The following MYT1L variants were observed in gnomAD, a reference collection of about 807,000 sequenced individuals.
MYT1L encodes myelin transcription factor 1-like protein.
A neutral mutation model predicts 126.7 loss-of-function variants in MYT1L; 12 were observed. That is an observed-to-expected ratio of 0.09 (90% CI 0.06 to 0.15). The LOEUF (loss-of-function observed/expected upper bound fraction) is 0.15, where lower values mean the gene tolerates loss of function less well. MYT1L is among the 10% of genes least tolerant of loss of function. The pLI, the probability that MYT1L is intolerant of heterozygous loss-of-function variation, is 1.00. For synonymous variants in MYT1L, 541 were observed against 604.2 expected (o/e 0.90, Z 1.53); for missense variants, 979 against 1,585.2 (o/e 0.62, Z 6.49).
intron 5 of MYT1L, among the ~76,000 whole-genome samples, chr2:1,986,464 T>C (rs1457384224): frequency 1.3e-5 from 2 of 152,202 alleles, no homozygotes; most frequent in Non-Finnish European, 2.9e-5. Context: ...CCCATCATGT[T>C]TGAGCCGGGA....
At chr2:2,215,791 C>T (rs930598084) in intron 2 of MYT1L, among the ~76,000 whole-genome samples, 2 of 152,162 alleles carry the variant, frequency 1.3e-5, no homozygotes, top group African/African-American at 4.8e-5. Flanking sequence ...TGTCCCTGCC[C>T]AAATCTCACG....
chr2:1,948,325 G>T (rs570012684), intron 8 of MYT1L, among the ~76,000 whole-genome samples: 1 of 152,102 alleles, frequency 6.6e-6, no homozygotes, highest in South Asian at 2.1e-4. Flanking sequence ...GAATACAGTC[G>T]TATCCCCAAC....
At chr2:2,192,716 T>C (rs1013986869) in intron 2 of MYT1L, among the ~76,000 whole-genome samples, 3 of 152,040 alleles carry the variant, frequency 2.0e-5, no homozygotes, top group Non-Finnish European at 2.9e-5. Flanking sequence ...AGTCCCTCAT[T>C]GTGAAGGAGG....
chr2:1,805,809 C>T (rs1379454984), intron 22 of MYT1L, among the ~76,000 whole-genome samples: 2 of 152,204 alleles, frequency 1.3e-5, no homozygotes, highest in African/African-American at 2.4e-5. Context: ...TCGCTTGACC[C>T]TGGGAGGCGG....
chr2:1,823,600 C>T (rs937783694), intron 21 of MYT1L, among the ~76,000 whole-genome samples: 1 of 150,476 alleles, frequency 6.6e-6, no homozygotes, highest in Admixed American at 6.6e-5. Flanking sequence ...GCAGGAAGAC[C>T]CTCAGCTGGC....
intron 8 of MYT1L, among the ~76,000 whole-genome samples, chr2:1,947,583 A>T (rs1456786373): frequency 6.6e-6 from 1 of 152,172 alleles, no homozygotes; most frequent in African/African-American, 2.4e-5. Context: ...ACTCCCCTGC[A>T]CCTGCAGCTG....
intron 21 of MYT1L, among the ~76,000 whole-genome samples, chr2:1,812,278 T>C (rs980888815): frequency 1.3e-5 from 2 of 152,226 alleles, no homozygotes; most frequent in South Asian, 2.1e-4. Flanking sequence ...TGCTCACTTA[T>C]GAAATGAGAA....
In MYT1L at chr2:2,180,882, CTGTG is replaced by C. The variant is rs377284253; in HGVS notation, c.-420-7898_-420-7895del. On this transcript the variant is annotated intron_variant, in intron 2 of 24. Transcript: ENST00000647738. ...CCTGTGTGTGCACCTGTATCCGTAC[CTGTG>C]TGTGTACCTCTGTGCTTGTGTATGT... Among the ~76,000 whole-genome samples, 31 of 149,692 alleles carry C rather than the reference CTGTG, an allele frequency of 2.1e-4. 1 individual carries two copies. The highest frequency in any genetic ancestry group is 1.5e-3 in the South Asian group (7 of 4,716).
chr2:1,882,817 TA>T (rs1358014559), intron 18 of MYT1L, among the ~76,000 whole-genome samples: 1 of 152,228 alleles, frequency 6.6e-6, no homozygotes, highest in Non-Finnish European at 1.5e-5. Context: ...GTGGAGAATC[TA>T]AGCCTCGGGA....
chr2:1,928,864 T>C (rs1230074513), intron 9 of MYT1L, among the ~76,000 whole-genome samples: 1 of 152,080 alleles, frequency 6.6e-6, no homozygotes, highest in Non-Finnish European at 1.5e-5. Flanking sequence ...GACTCCGGAC[T>C]GATATTCAGG....
chr2:2,153,118 T>G (rs931143685), intron 3 of MYT1L, among the ~76,000 whole-genome samples: 2 of 152,076 alleles, frequency 1.3e-5, no homozygotes, highest in Admixed American at 1.3e-4. Flanking sequence ...GACAAAATAG[T>G]GAGTCCCTGT....
intron 2 of MYT1L, among the ~76,000 whole-genome samples, chr2:2,240,372 A>C (rs1012807422): frequency 6.6e-6 from 1 of 152,272 alleles, no homozygotes; most frequent in South Asian, 2.1e-4. Context: ...TTACTTTAAA[A>C]AGTATGGTAA....
At chr2:1,843,755 C>T (rs572902109) in intron 19 of MYT1L, among the ~76,000 whole-genome samples, 1 of 152,194 alleles carries the variant, frequency 6.6e-6, no homozygotes, top group Non-Finnish European at 1.5e-5. Flanking sequence ...CCACAGAGGC[C>T]GAGCTCCTGT....
At chr2:1,953,181 T>C (rs2058043045) in intron 8 of MYT1L, among the ~76,000 whole-genome samples, 1 of 152,174 alleles carries the variant, frequency 6.6e-6, no homozygotes, top group Admixed American at 6.5e-5. Context: ...TAGGCTGGTC[T>C]TGAACTCCTG....
chr2:2,122,872 T>TGTGTGTGTGTGAGAGAGA (rs553951630), intron 3 of MYT1L, among the ~76,000 whole-genome samples: 10 of 133,078 alleles, frequency 7.5e-5, no homozygotes, highest in African/African-American at 1.8e-4. Context: ...TGTGTGTGTG[T>TGTGTGTGTGTGAGAGAGA]GAGAGAGAGA....
At chr2:1,797,547 T>A (rs2033854277) in intron 23 of MYT1L, among the ~76,000 whole-genome samples, 2 of 152,182 alleles carry the variant, frequency 1.3e-5, no homozygotes, top group Admixed American at 1.3e-4. Context: ...ATTGCGTTTG[T>A]GTGAGGTGAA....
chr2:1,843,380 G>T (rs2042076259), intron 19 of MYT1L, among the ~76,000 whole-genome samples: 1 of 152,186 alleles, frequency 6.6e-6, no homozygotes, highest in Non-Finnish European at 1.5e-5. Context: ...AAGAAAAGAG[G>T]AACCAAGGGG....
chr2:2,317,507 G>C (rs2096086513), intron 1 of MYT1L, among the ~76,000 whole-genome samples: 1 of 152,008 alleles, frequency 6.6e-6, no homozygotes, highest in South Asian at 2.1e-4. Context: ...CTACCTAGGA[G>C]GAAGGTCTTC....
At chr2:2,175,819 C>T (rs1048064840) in intron 2 of MYT1L, among the ~76,000 whole-genome samples, 2 of 152,200 alleles carry the variant, frequency 1.3e-5, no homozygotes, top group African/African-American at 2.4e-5. Flanking sequence ...CAGTCCTGGC[C>T]GCCTGTCCCC....
Sources: gnomAD v4.1 joint callset for allele counts (sites outside exome capture counted in the v4.1 genomes callset) on GRCh38, gnomAD v4.1.1 for gene constraint, MANE v1.5 for transcripts, NCBI Gene and HGNC (gene_info 2026-07-23, HGNC 2026-07-21) for gene names.